The following PCDH15 variants were observed in gnomAD, a reference collection of about 807,000 sequenced individuals.
PCDH15 encodes the protein protocadherin related 15, also known as protocadherin-15.
Under a neutral mutation model 178.5 loss-of-function variants are expected in PCDH15, and 129 were observed. That is an observed-to-expected ratio of 0.72 (90% CI 0.63 to 0.84). The LOEUF (loss-of-function observed/expected upper bound fraction) is 0.84, where lower values mean the gene tolerates loss of function less well. Among genes scored for constraint, PCDH15 ranks in the 40% least tolerant of loss-of-function variants. The probability of loss-of-function intolerance (pLI) is 0.00; values close to 1 mark genes in which losing one functional copy is unlikely to be tolerated. For synonymous variants in PCDH15, 800 were observed against 732.0 expected, an observed-to-expected ratio of 1.09 and a Z score of -1.50; for missense variants, 2,230 against 2,099.9, an observed-to-expected ratio of 1.06 and a Z score of -1.21.
intron 25 of PCDH15, among the ~76,000 whole-genome samples, chr10:53,926,670 G>A (rs1030867413): frequency 6.6e-6 from 1 of 152,180 alleles, no homozygotes; most frequent in African/African-American, 2.4e-5. Context: ...TTGGGCACAT[G>A]TTCTAGGATC....
chr10:54,445,251 T>A (rs2076076662), intron 3 of PCDH15, among the ~76,000 whole-genome samples: 1 of 151,578 alleles, frequency 6.6e-6, no homozygotes, highest in Non-Finnish European at 1.5e-5. Context: ...TTATTTTATA[T>A]TTGTTATCAC....
chr10:54,354,958 T>A (rs1379348089), intron 5 of PCDH15, among the ~76,000 whole-genome samples: 1 of 151,950 alleles, frequency 6.6e-6, no homozygotes, highest in African/African-American at 2.4e-5. Context: ...ATTAGATAGA[T>A]TCAGAGGTAA....
chr10:55,189,597 A>T (rs1013622548), intron 1 of PCDH15, among the ~76,000 whole-genome samples: 2 of 152,014 alleles, frequency 1.3e-5, no homozygotes, highest in African/African-American at 4.8e-5. Context: ...TATAAGCTTT[A>T]TGTTTAAGAA....
chr10:55,287,012 AT>A (rs1393911420), intron 1 of PCDH15, among the ~76,000 whole-genome samples: 1 of 152,000 alleles, frequency 6.6e-6, no homozygotes, highest in Non-Finnish European at 1.5e-5. Context: ...TAGGGCATTC[AT>A]TTATTTTATA....
intron 18 of PCDH15, among the ~76,000 whole-genome samples, chr10:54,064,460 T>C (rs1379915235): frequency 6.6e-6 from 1 of 152,150 alleles, no homozygotes; most frequent in Non-Finnish European, 1.5e-5. Flanking sequence ...ATCCCTGGCT[T>C]GAAGGTGGGG....
intron 2 of PCDH15, among the ~76,000 whole-genome samples, chr10:54,584,059 G>A (rs180988319): frequency 2.0e-4 from 30 of 152,040 alleles, no homozygotes; most frequent in African/African-American, 3.9e-4. Flanking sequence ...TACTTTTAAC[G>A]GCAGAACATA....
chr10:55,276,139 GT>G lies in PCDH15; in HGVS notation c.-156+43459del, dbSNP rs567664463. ...ATTAATTCCATAAATTTGTCTATGT[GT>G]TTTTTTTTAGTTTTCTACATCACGT... On this transcript the variant is annotated intron_variant, in intron 1 of 5. Coordinates refer to the PCDH15 transcript ENST00000458638. Among the ~76,000 whole-genome samples, 358 of 148,430 alleles carry G rather than the reference GT, an allele frequency of 2.4e-3. 4 individuals carry two copies. The highest frequency in any genetic ancestry group is 5.8e-3 in the African/African-American group (235 of 40,704).
intron 2 of PCDH15, among the ~76,000 whole-genome samples, chr10:55,132,158 A>C (rs1838069181): frequency 6.6e-6 from 1 of 152,148 alleles, no homozygotes; most frequent in South Asian, 2.1e-4. Context: ...CTGTGTCTTC[A>C]CAACAGCTGT....
intron 13 of PCDH15, among the ~76,000 whole-genome samples, chr10:54,165,787 A>T (rs188224860): frequency 2.6e-5 from 4 of 152,312 alleles, no homozygotes; most frequent in Admixed American, 1.3e-4. Flanking sequence ...TCTTAAATTA[A>T]TTTATAAATA....
intron 3 of PCDH15, among the ~76,000 whole-genome samples, chr10:54,865,569 A>G (rs1473494085): frequency 6.6e-6 from 1 of 152,088 alleles, no homozygotes; most frequent in Non-Finnish European, 1.5e-5. Flanking sequence ...GCATGGGGAA[A>G]ACCACCCCCG....
At chr10:55,282,561 C>A (rs1226546832) in intron 1 of PCDH15, among the ~76,000 whole-genome samples, 2 of 152,076 alleles carry the variant, frequency 1.3e-5, no homozygotes, top group African/African-American at 4.8e-5. Context: ...TCAATTGCAA[C>A]TTATTTGATG....
At chr10:55,576,246 G>C (rs1842495445) in intron 2 of PCDH15, among the ~76,000 whole-genome samples, 1 of 152,040 alleles carries the variant, frequency 6.6e-6, no homozygotes, top group Non-Finnish European at 1.5e-5. Flanking sequence ...TATTATTAAA[G>C]GTTAGAAAAT....
intron 2 of PCDH15, among the ~76,000 whole-genome samples, chr10:55,573,373 G>A (rs764373084): frequency 6.6e-6 from 1 of 152,038 alleles, no homozygotes; most frequent in Non-Finnish European, 1.5e-5. Context: ...ATTCAGTTGG[G>A]AAGAAAGTTA....
chr10:54,491,356 C>T (rs1394810491), intron 3 of PCDH15, among the ~76,000 whole-genome samples: 1 of 149,356 alleles, frequency 6.7e-6, no homozygotes, highest in Non-Finnish European at 1.5e-5. Context: ...AATGAAACTC[C>T]AAGAAATATG....
At position 53,903,274 on chromosome 10, in the gene PCDH15, G is replaced by A; in HGVS notation, c.3470C>T (p.Ala1157Val). ...TCTGAGTACAGAAGTAAACATTCTT[G>A]CATCTTCAGATACACCTCCGATGTA... ...KFYIGGVSED[A>V]RMFTSVLRVK... Residue 1157 changes from alanine to valine, a missense_variant, in exon 26 of 38, where the codon GCA becomes GTA. Ala to Val is a moderately conservative substitution (Grantham distance 64). Transcript: ENST00000644397. 6.2e-7 allele frequency: 1 copy of A among 1,613,048 alleles called. No homozygotes were observed. The highest frequency in any genetic ancestry group is 2.2e-5 in the East Asian group (1 of 44,806).
intron 2 of PCDH15, among the ~76,000 whole-genome samples, chr10:55,124,912 T>G (rs1482237932): frequency 6.6e-6 from 1 of 152,134 alleles, no homozygotes; most frequent in Admixed American, 6.6e-5. Flanking sequence ...GTTCCAAAAA[T>G]AAGTCAGATA....
chr10:54,046,260 C>T (rs879483340), intron 18 of PCDH15, among the ~76,000 whole-genome samples: 2 of 152,162 alleles, frequency 1.3e-5, no homozygotes, highest in African/African-American at 4.8e-5. Flanking sequence ...AACAATTTCG[C>T]ATTTCCAACA....
intron 8 of PCDH15, among the ~76,000 whole-genome samples, chr10:54,245,682 G>A (rs1414432301): frequency 6.6e-6 from 1 of 151,992 alleles, no homozygotes; most frequent in Non-Finnish European, 1.5e-5. Flanking sequence ...ACTGTTGAAG[G>A]CATGAGGAGA....
intron 2 of PCDH15, among the ~76,000 whole-genome samples, chr10:54,562,847 T>C (rs925635343): frequency 2.0e-5 from 3 of 152,114 alleles, no homozygotes; most frequent in Non-Finnish European, 4.4e-5. Flanking sequence ...AAGGGCCCCT[T>C]TTGTCAGTTT....
Sources: allele counts gnomAD v4.1 joint callset (sites outside exome capture counted in the v4.1 genomes callset), GRCh38; gene constraint gnomAD v4.1.1; transcripts MANE v1.5; gene names NCBI Gene and HGNC (gene_info 2026-07-23, HGNC 2026-07-21).